The following ASCC3 variants were observed in gnomAD, a reference collection of about 807,000 sequenced individuals.
ASCC3 encodes the protein activating signal cointegrator 1 complex subunit 3, also known as ASC-1 complex subunit P200.
ASCC3 carries 158 observed loss-of-function variants against 256.3 expected under a neutral mutation model. The ratio of observed to expected loss-of-function variants is 0.62; its 90% CI spans 0.54 to 0.70. The LOEUF is 0.70. ASCC3 is among the 30% of genes least tolerant of loss of function. The pLI is 0.00. For synonymous variants in ASCC3, 948 were observed against 883.4 expected (o/e 1.07, Z -1.30); for missense variants, 2,259 against 2,626.0 (o/e 0.86, Z 3.05).
intron 30 of ASCC3, among the ~76,000 whole-genome samples, chr6:100,607,781 A>G (rs1772978600): frequency 6.6e-6 from 1 of 151,602 alleles, no homozygotes; most frequent in Admixed American, 6.6e-5. Flanking sequence ...TTAGCATCTC[A>G]ATGTTACTAT....
At chr6:100,735,590 A>T (rs1241754251) in intron 10 of ASCC3, among the ~76,000 whole-genome samples, 1 of 152,140 alleles carries the variant, frequency 6.6e-6, no homozygotes, top group South Asian at 2.1e-4. Context: ...TTTAGATGGT[A>T]AATTTGGCAA....
intron 36 of ASCC3, among the ~76,000 whole-genome samples, chr6:100,580,545 C>T (rs1468853621): frequency 6.6e-6 from 1 of 151,684 alleles, no homozygotes; most frequent in Non-Finnish European, 1.5e-5. Flanking sequence ...CATCACAATG[C>T]AACATATTCA....
At chr6:100,725,451 A>C in intron 11 of ASCC3, 88 bp downstream of exon 11, 2 of 1,356,832 alleles carry the variant, frequency 1.5e-6, no homozygotes, top group Non-Finnish European at 2.1e-6. Context: ...TTAGCTTTGT[A>C]ACACAGGTCT....
chr6:100,869,107 G>A (rs991215624), intron 1 of ASCC3, among the ~76,000 whole-genome samples: 7 of 152,144 alleles, frequency 4.6e-5, no homozygotes, highest in Admixed American at 3.9e-4. Flanking sequence ...CCCCACATGG[G>A]ACATCTGGCA....
intron 36 of ASCC3, among the ~76,000 whole-genome samples, chr6:100,585,233 T>A (rs943272931): frequency 3.9e-5 from 6 of 152,228 alleles, no homozygotes; most frequent in African/African-American, 1.4e-4. Context: ...GACGCAGATT[T>A]GGTCTTTTCA....
chr6:100,854,367 C>T (rs1582966814), intron 3 of ASCC3, among the ~76,000 whole-genome samples: 1 of 152,016 alleles, frequency 6.6e-6, no homozygotes, highest in African/African-American at 2.4e-5. Flanking sequence ...TCTTTCCGTG[C>T]ATGAAAGCAC....
At chr6:100,736,432 C>T (rs180771668) in intron 10 of ASCC3, among the ~76,000 whole-genome samples, 4 of 151,526 alleles carry the variant, frequency 2.6e-5, no homozygotes, top group African/African-American at 4.8e-5. Flanking sequence ...ACCAGGGAGG[C>T]GGAGGTTTCA....
chr6:100,648,029 T>C lies in ASCC3; in HGVS notation c.3253-578A>G, dbSNP rs1220866117. On this transcript the variant is annotated intron_variant, in intron 20 of 41. Coordinates refer to ENST00000369162, the MANE Select transcript of ASCC3 (RefSeq NM_006828.4). ...TAACTTTTACAAAAATTGCATTTAATTGATATTAATATTATGATTTTATAG... is the reference window on the plus strand; with the variant it reads ...TAACTTTTACAAAAATTGCATTTAACTGATATTAATATTATGATTTTATAG... 2.6e-5 allele frequency among the ~76,000 whole-genome samples: 4 copies of C among 152,084 alleles called. No individual in the cohort carries two copies. In the East Asian group the frequency reaches 5.8e-4, roughly 22 times the overall value.
intron 10 of ASCC3, among the ~76,000 whole-genome samples, chr6:100,758,214 T>C (rs1214110750): frequency 6.6e-6 from 1 of 152,180 alleles, no homozygotes; most frequent in East Asian, 1.9e-4. Context: ...ACAAAGATGT[T>C]GGAATTATCT....
In ASCC3 at chr6:100,627,231, T is replaced by C. The variant is rs528126998; in HGVS notation, c.4642+359A>G. 1.8e-4 allele frequency among the ~76,000 whole-genome samples: 27 copies of C among 152,228 alleles called. No homozygotes were observed. In the South Asian group the frequency reaches 5.4e-3, roughly 30 times the overall value. ...GTACTAAAGTACTGAAATTTCTAAG[T>C]TTTATGATTTCTCATAAAAATGATT... On this transcript the variant is annotated intron_variant, in intron 29 of 41. Transcript: ENST00000369162.
chr6:100,823,207 G>C (rs1490958085), intron 4 of ASCC3, among the ~76,000 whole-genome samples: 1 of 152,086 alleles, frequency 6.6e-6, no homozygotes, highest in Non-Finnish European at 1.5e-5. Context: ...TTGAGAACAG[G>C]TGCTGTTCTC....
At chr6:100,642,500 A>G in intron 24 of ASCC3, 81 bp downstream of exon 24, 2 of 1,404,498 alleles carry the variant, frequency 1.4e-6, no homozygotes, top group South Asian at 2.3e-5. Flanking sequence ...AAACTTTATT[A>G]CGGTGTAGAC....
chr6:100,678,589 A>C (rs760311858), intron 14 of ASCC3, among the ~76,000 whole-genome samples: 4 of 152,116 alleles, frequency 2.6e-5, no homozygotes, highest in Non-Finnish European at 4.4e-5. Flanking sequence ...AAAAGGGCAT[A>C]GCACAATGTC....
chr6:100,852,886 C>A (rs1183965686), intron 3 of ASCC3, among the ~76,000 whole-genome samples: 1 of 151,896 alleles, frequency 6.6e-6, no homozygotes, highest in Non-Finnish European at 1.5e-5. Flanking sequence ...TAGAAGGTCC[C>A]TACAATACTT....
intron 14 of ASCC3, among the ~76,000 whole-genome samples, chr6:100,667,156 T>C (rs1171706506): frequency 6.6e-6 from 1 of 152,302 alleles, no homozygotes; most frequent in African/African-American, 2.4e-5. Flanking sequence ...TTCTTCATAC[T>C]GATACTACAC....
chr6:100,623,365 T>G (rs1003686489), intron 30 of ASCC3, among the ~76,000 whole-genome samples: 2 of 152,188 alleles, frequency 1.3e-5, no homozygotes, highest in Non-Finnish European at 2.9e-5. Context: ...CATATTAAGC[T>G]AATTTATGAG....
intron 1 of ASCC3, among the ~76,000 whole-genome samples, chr6:100,870,122 T>C (rs554997404): frequency 6.6e-6 from 1 of 152,254 alleles, no homozygotes; most frequent in East Asian, 1.9e-4. Context: ...AATAAAGATA[T>C]AGAGAACCTG....
At chr6:100,591,724 C>CA (rs1772007245) in intron 34 of ASCC3, among the ~76,000 whole-genome samples, 1 of 151,778 alleles carries the variant, frequency 6.6e-6, no homozygotes, top group Non-Finnish European at 1.5e-5. Context: ...CTGTGAAATA[C>CA]AAAAAAATTA....
At chr6:100,845,350 T>C (rs1239035450) in intron 4 of ASCC3, among the ~76,000 whole-genome samples, 1 of 152,168 alleles carries the variant, frequency 6.6e-6, no homozygotes, top group Non-Finnish European at 1.5e-5. Context: ...TAGAAAAACT[T>C]CTCAAAACGG....
Sources: allele counts gnomAD v4.1 joint callset (sites outside exome capture counted in the v4.1 genomes callset), GRCh38; gene constraint gnomAD v4.1.1; transcripts MANE v1.5; gene names NCBI Gene and HGNC (gene_info 2026-07-23, HGNC 2026-07-21).